Variants in NAV3 observed in about 807,000 individuals in gnomAD.
NAV3 encodes the protein neuron navigator 3.
Under a neutral mutation model 244.7 loss-of-function variants are expected in NAV3, and 87 were observed. That is an observed-to-expected ratio of 0.36 (90% CI 0.30 to 0.42). The LOEUF is 0.42. NAV3 is among the 20% of genes least tolerant of loss of function. The pLI is 1.00. For missense variants in NAV3, 2,663 were observed against 2,893.3 expected, an observed-to-expected ratio of 0.92 and a Z score of 1.83; for synonymous variants, 1,126 against 1,042.2, an observed-to-expected ratio of 1.08 and a Z score of -1.55.
rs749896374 is a variant in NAV3 at position 78,050,119 on chromosome 12, A to G, written c.2132+18A>G. 7 of 1,545,608 alleles carry G rather than the reference A, an allele frequency of 4.5e-6. No individual in the cohort carries two copies. In the South Asian group the frequency reaches 7.0e-5, roughly 16 times the overall value. On this transcript the variant is annotated intron_variant, in intron 10 of 39. Coordinates refer to ENST00000397909, the MANE Select transcript of NAV3 (RefSeq NM_001024383.2). ...AGCCACAGGTTTTTTTCAATTTTGCATATATTTGAGCCAATAAAGAAAAAA... is the reference window on the plus strand; with the variant it reads ...AGCCACAGGTTTTTTTCAATTTTGCGTATATTTGAGCCAATAAAGAAAAAA...
At chr12:78,006,200 C>A (rs1874185164) in intron 7 of NAV3, among the ~76,000 whole-genome samples, 1 of 151,932 alleles carries the variant, frequency 6.6e-6, no homozygotes, top group African/African-American at 2.4e-5. Flanking sequence ...ACACGTCCCC[C>A]CACAGCCCCC....
At chr12:78,079,078 G>C (rs1196982858) in intron 12 of NAV3, among the ~76,000 whole-genome samples, 2 of 152,114 alleles carry the variant, frequency 1.3e-5, no homozygotes, top group Non-Finnish European at 2.9e-5. Flanking sequence ...AAATAAAACT[G>C]TTATTTGAAA....
At chr12:77,931,376 C>T (rs769652181) in intron 1 of NAV3, among the ~76,000 whole-genome samples, 5 of 136,698 alleles carry the variant, frequency 3.7e-5, no homozygotes, top group Non-Finnish European at 7.7e-5. Flanking sequence ...CTTCTGCATC[C>T]GCTGAGGAAT....
intron 2 of NAV3, among the ~76,000 whole-genome samples, chr12:77,601,071 A>C (rs1427067493): frequency 6.6e-6 from 1 of 151,970 alleles, no homozygotes; most frequent in Non-Finnish European, 1.5e-5. Flanking sequence ...AATAATAGCT[A>C]ATGCTTATTT....
At chr12:78,188,217 T>C (rs1217580099) in intron 31 of NAV3, 31 bp from the exon 32 acceptor site, 1 of 1,477,982 alleles carries the variant, frequency 6.8e-7, no homozygotes, top group Non-Finnish European at 9.4e-7. Flanking sequence ...CACGGTTGGA[T>C]TTTATCTTAC....
intron 2 of NAV3, among the ~76,000 whole-genome samples, chr12:77,616,618 G>A (rs1871153441): frequency 2.6e-5 from 4 of 151,964 alleles, no homozygotes; most frequent in African/African-American, 2.4e-5. Flanking sequence ...TGCCTAAGTT[G>A]ACTCAGTAAA....
chr12:78,080,100 C>T (rs1459871840), intron 12 of NAV3, among the ~76,000 whole-genome samples: 1 of 152,138 alleles, frequency 6.6e-6, no homozygotes, highest in African/African-American at 2.4e-5. Flanking sequence ...GCCATCTAGA[C>T]ATTCTTAAAC....
intron 12 of NAV3, among the ~76,000 whole-genome samples, chr12:78,107,223 A>G (rs1200964227): frequency 6.6e-6 from 1 of 152,180 alleles, no homozygotes; most frequent in Admixed American, 6.5e-5. Flanking sequence ...AAAGAGAATA[A>G]TCAAATCCTT....
chr12:77,622,534 ATTTTT>A (rs529338324), intron 2 of NAV3, among the ~76,000 whole-genome samples: 1 of 90,716 alleles, frequency 1.1e-5, no homozygotes, highest in Non-Finnish European at 2.1e-5. Context: ...ATCCATATGG[ATTTTT>A]TTTTTTTTTT....
rs112900156 is a variant in NAV3 at position 77,825,107 on chromosome 12, T to C, written c.73-115212T>C. On this transcript the variant is annotated intron_variant, in intron 2 of 8. Transcript: ENST00000550042. ...GAAGAAAAATTGTTAACTAAGAATTTTGTACCCAGAAAATAATTCTTTCAA... is the reference window on the plus strand; with the variant it reads ...GAAGAAAAATTGTTAACTAAGAATTCTGTACCCAGAAAATAATTCTTTCAA... 1.3e-3 allele frequency among the ~76,000 whole-genome samples: 195 copies of C among 152,328 alleles called. 1 individual carries two copies. The highest frequency in any genetic ancestry group is 4.6e-3 in the African/African-American group (190 of 41,580).
At chr12:78,200,630 A>AAAG in intron 38 of NAV3, 39 bp downstream of exon 38, 3 of 1,249,396 alleles carry the variant, frequency 2.4e-6, no homozygotes, top group Non-Finnish European at 3.3e-6. Context: ...TTTTTTAAAA[A>AAAG]AAAAAAGCAA....
At position 78,006,649 on chromosome 12, in the gene NAV3, T is replaced by A. The variant is rs2136564191; in HGVS notation, c.1111T>A (p.Ser371Thr). The A allele has an allele frequency of 6.2e-7, 1 of 1,614,092 alleles. No individual in the cohort carries two copies. Among genetic ancestry groups the A allele is most frequent in the African/African-American group, 1.3e-5 (1 of 75,018 alleles). Residue 371 changes from serine (S) to threonine (T), a missense_variant, in exon 8 of 40, where the codon TCA (serine) becomes ACA (threonine). Around this residue, in one of 6 missense-constraint regions of NAV3, gnomAD observed 1,521 missense variants for 1,497.0 expected, o/e 1.02. Coordinates refer to ENST00000397909, the MANE Select transcript of NAV3 (RefSeq NM_001024383.2). The part of the protein sequence containing the change: ...PSSDRLKPPV[S>T]EGVKTAPSGQ... Reference sequence around the variant, plus strand: ...TTCAGACAGACTGAAGCCACCTGTCTCAGAAGGGGTCAAAACTGCTCCCTC... The same window carrying A: ...TTCAGACAGACTGAAGCCACCTGTCACAGAAGGGGTCAAAACTGCTCCCTC...
intron 2 of NAV3, among the ~76,000 whole-genome samples, chr12:77,731,591 C>T (rs918584745): frequency 5.3e-5 from 8 of 151,778 alleles, no homozygotes; most frequent in Admixed American, 1.3e-4. Context: ...TTTCCATATA[C>T]GAATTCAAGA....
intron 12 of NAV3, among the ~76,000 whole-genome samples, chr12:78,068,439 A>G (rs1474600705): frequency 6.6e-6 from 1 of 150,966 alleles, no homozygotes; most frequent in Admixed American, 6.6e-5. Context: ...AAAAGTTGGT[A>G]AATTAATTCA....
intron 22 of NAV3, among the ~76,000 whole-genome samples, chr12:78,151,267 C>T (rs548149101): frequency 6.6e-6 from 1 of 152,078 alleles, no homozygotes; most frequent in South Asian, 2.1e-4. Context: ...GTTTTATGTT[C>T]CTTTAAACAA....
intron 2 of NAV3, among the ~76,000 whole-genome samples, chr12:77,592,055 CTTCG>C (rs5799340): frequency 0.1 from 15,639 of 152,138 alleles, 1,223 homozygotes; most frequent in African/African-American, 0.22. Flanking sequence ...ACCACAGGAG[CTTCG>C]TTCGCACAGT....
chr12:77,653,724 G>A (rs1040819154), intron 2 of NAV3, among the ~76,000 whole-genome samples: 10 of 151,892 alleles, frequency 6.6e-5, no homozygotes, highest in Admixed American at 4.6e-4. Flanking sequence ...AGTACTTCTG[G>A]GTGAATACAA....
intron 1 of NAV3, among the ~76,000 whole-genome samples, chr12:77,857,793 T>A (rs1878617321): frequency 6.6e-6 from 1 of 151,998 alleles, no homozygotes. Flanking sequence ...AAATATGCAT[T>A]ATACAGATTA....
At chr12:77,941,857 G>A (rs937332712) in intron 3 of NAV3, among the ~76,000 whole-genome samples, 2 of 152,166 alleles carry the variant, frequency 1.3e-5, no homozygotes, top group Admixed American at 6.5e-5. Flanking sequence ...AATCAGGAAT[G>A]ACAGCCGAAA....
Sources: gnomAD v4.1 joint callset for allele counts (sites outside exome capture counted in the v4.1 genomes callset) on GRCh38, gnomAD v4.1.1 for gene constraint, gnomAD v4.1.1 regional missense constraint, MANE v1.5 for transcripts, NCBI Gene and HGNC (gene_info 2026-07-23, HGNC 2026-07-21) for gene names.